The following SCG3 variants were observed in gnomAD, a reference collection of about 807,000 sequenced individuals.
SCG3 encodes the protein secretogranin III.
A neutral mutation model predicts 56.2 loss-of-function variants in SCG3; 38 were observed. The ratio of observed to expected loss-of-function variants is 0.68; its 90% CI spans 0.52 to 0.89. SCG3 has a LOEUF of 0.89. Among genes scored for constraint, SCG3 ranks in the 40% least tolerant of loss-of-function variants. The pLI is 0.00. For synonymous variants in SCG3, 176 were observed against 184.2 expected, an observed-to-expected ratio of 0.96 and a Z score of 0.36; for missense variants, 524 against 540.7, an observed-to-expected ratio of 0.97 and a Z score of 0.31.
chr15:51,704,244 C>CATATATATATATATATAT (rs750951935), intron 10 of SCG3, among the ~76,000 whole-genome samples: 26 of 73,622 alleles, frequency 3.5e-4, no homozygotes, highest in African/African-American at 8.1e-4. Context: ...TACATACATA[C>CATATATATATATATATAT]ATATATATAT....
chr15:51,704,776 T>C (rs1292714674), intron 10 of SCG3, among the ~76,000 whole-genome samples: 5 of 122,350 alleles, frequency 4.1e-5, no homozygotes, highest in African/African-American at 7.0e-5. Context: ...TATATATATA[T>C]ATATATATAT....
chr15:51,695,675 A>G (rs959260178), intron 7 of SCG3, 200 bp from the exon 8 acceptor site: 2 of 472,122 alleles, frequency 4.2e-6, no homozygotes, highest in African/African-American at 4.0e-5. Context: ...AGTGCAGGAG[A>G]TTAGTCTGAG....
At chr15:51,713,872 G>A (rs76111536) in intron 11 of SCG3, among the ~76,000 whole-genome samples, 1 of 152,164 alleles carries the variant, frequency 6.6e-6, no homozygotes, top group African/African-American at 2.4e-5. Flanking sequence ...CTAAGTGCCA[G>A]AGATGTCCCG....
chr15:51,712,907 AATCTTTAAGT>A (rs2055429779), intron 10 of SCG3, among the ~76,000 whole-genome samples: 1 of 152,166 alleles, frequency 6.6e-6, no homozygotes, highest in South Asian at 2.1e-4. Flanking sequence ...GAAGTGATGG[AATCTTTAAGT>A]ATCTGCCACT....
At chr15:51,701,880 G>T (rs1033501404) in intron 10 of SCG3, among the ~76,000 whole-genome samples, 1 of 152,048 alleles carries the variant, frequency 6.6e-6, no homozygotes, top group Non-Finnish European at 1.5e-5. Flanking sequence ...ACACAGCAAG[G>T]GCAATGAAAA....
At chr15:51,716,704 C>T (rs1412555768) in intron 11 of SCG3, among the ~76,000 whole-genome samples, 1 of 152,220 alleles carries the variant, frequency 6.6e-6, no homozygotes, top group Admixed American at 6.5e-5. Flanking sequence ...TTTCTCCCCA[C>T]CACCAAGCAA....
chr15:51,703,355 TG>T (rs1448839976), intron 10 of SCG3, among the ~76,000 whole-genome samples: 1 of 152,230 alleles, frequency 6.6e-6, no homozygotes, highest in African/African-American at 2.4e-5. Context: ...TTTAATACCT[TG>T]AAACTCAAGA....
intron 8 of SCG3, among the ~76,000 whole-genome samples, chr15:51,698,782 A>C (rs564809465): frequency 6.6e-6 from 1 of 151,582 alleles, no homozygotes; most frequent in South Asian, 2.1e-4. Flanking sequence ...ACAGCACATC[A>C]ATCCCAGTGG....
chr15:51,685,294 T>G (rs1017472870), intron 4 of SCG3, among the ~76,000 whole-genome samples: 1 of 152,272 alleles, frequency 6.6e-6, no homozygotes, highest in Non-Finnish European at 1.5e-5. Context: ...CCACTTCAAC[T>G]GAAGTGATCA....
Position 51,695,864 on chromosome 15 carries a change from C to A in SCG3, c.869-11C>A. The A allele has an allele frequency of 6.9e-7, 1 of 1,449,060 alleles. No homozygotes were observed. The highest frequency in any genetic ancestry group is 9.7e-7 in the Non-Finnish European group (1 of 1,035,306). 89.8% of individuals were successfully genotyped at this position (1,449,060 alleles called of 1,614,324 possible). Reference sequence around the variant, plus strand: ...CCCCACAGTTTTAAGTTATTTTGTTCTTTCATATAGAAAAAGAAGCAAAAG... The same window carrying A: ...CCCCACAGTTTTAAGTTATTTTGTTATTTCATATAGAAAAAGAAGCAAAAG... On this transcript the variant is annotated splice_polypyrimidine_tract_variant and intron_variant, in intron 7 of 11. Coordinates refer to ENST00000220478, the MANE Select transcript of SCG3 (RefSeq NM_013243.4).
chr15:51,683,103 A>T lies in SCG3; in HGVS notation c.160A>T (p.Ile54Phe), dbSNP rs548679537. The T allele has an allele frequency of 4.3e-5, 69 of 1,610,624 alleles. No individual in the cohort carries two copies. In the Admixed American group the frequency reaches 1.2e-3, roughly 27 times the overall value. The change falls in exon 3 of 12, where the codon ATT (isoleucine) becomes TTT (phenylalanine). Residue 54 changes from isoleucine (I) to phenylalanine (F), a missense_variant. Transcript: ENST00000220478. ...GATTGCTGAAGCAGAAGAAGACAAGATTAAAAAAACATATCCTCCAGGTAA... is the reference window on the plus strand; with the variant it reads ...GATTGCTGAAGCAGAAGAAGACAAGTTTAAAAAAACATATCCTCCAGGTAA... ...EQIAEAEEDK[I>F]KKTYPPENKP...
At chr15:51,711,214 G>A (rs2055418586) in intron 10 of SCG3, among the ~76,000 whole-genome samples, 1 of 152,186 alleles carries the variant, frequency 6.6e-6, no homozygotes, top group Admixed American at 6.5e-5. Context: ...CTATGAAGAG[G>A]GAGGCATGAG....
chr15:51,711,493 C>A (rs982508265), intron 10 of SCG3, among the ~76,000 whole-genome samples: 3 of 152,140 alleles, frequency 2.0e-5, no homozygotes, highest in Non-Finnish European at 4.4e-5. Context: ...TTAAAGTGAG[C>A]CCTATGGGGA....
Position 51,683,353 on chromosome 15 carries a change from G to T in SCG3, c.316G>T (p.Glu106Ter), listed in dbSNP as rs2055207546. Residue 106 changes from glutamate (E) to a stop codon, truncating the protein, a stop_gained, in exon 4 of 12, where the codon GAA (glutamate) becomes TAA (stop). Coordinates refer to ENST00000220478, the MANE Select transcript of SCG3 (RefSeq NM_013243.4). LOFTEE classifies it high-confidence loss of function. Reference protein sequence around the residue: ...SSPLDNKLNVEDVDSTKNRKL... With the variant: ...SSPLDNKLNV ...CCCACTTGATAATAAGTTGAATGTG[G>T]AAGATGTTGATTCAACCAAGAATCG... is the stretch of plus-strand genomic sequence containing the variant. 6.2e-7 allele frequency: 1 copy of T among 1,613,462 alleles called. No individual in the cohort carries two copies. The highest frequency in any genetic ancestry group is 8.5e-7 in the Non-Finnish European group (1 of 1,179,596).
intron 6 of SCG3, 150 bp from the exon 7 acceptor site, chr15:51,692,009 T>C (rs778182200): frequency 1.2e-4 from 76 of 639,876 alleles, no homozygotes; most frequent in Non-Finnish European, 1.7e-4. Context: ...AGCACACATA[T>C]CTAGAAATGG....
chr15:51,704,772 T>C (rs925726724), intron 10 of SCG3, among the ~76,000 whole-genome samples: 1 of 109,044 alleles, frequency 9.2e-6, no homozygotes, highest in Non-Finnish European at 1.8e-5. Flanking sequence ...TACATATATA[T>C]ATATATATAT....
intron 10 of SCG3, among the ~76,000 whole-genome samples, chr15:51,712,860 G>A (rs1595841468): frequency 6.6e-6 from 1 of 152,204 alleles, no homozygotes; most frequent in East Asian, 1.9e-4. Flanking sequence ...AAGACTTAGA[G>A]CTGCTTACAC....
intron 10 of SCG3, among the ~76,000 whole-genome samples, chr15:51,704,248 T>C (rs2607121): frequency 0.013 from 743 of 58,970 alleles, 7 homozygotes; most frequent in African/African-American, 0.034. Context: ...TACATACATA[T>C]ATATATATAT....
rs1306661060 is a variant in SCG3 at position 51,681,673 on chromosome 15, T to C, written c.-83T>C. On this transcript the variant is annotated 5_prime_UTR_variant, in exon 1 of 12. Transcript: ENST00000220478. Reference sequence around the variant, plus strand: ...ACCCACCCTCCTGGCTCTTCCTGTTTTTACTCCTCCTTTTCATTCATAACA... The same window carrying C: ...ACCCACCCTCCTGGCTCTTCCTGTTCTTACTCCTCCTTTTCATTCATAACA... 1 of 957,270 alleles carries C rather than the reference T, an allele frequency of 1.0e-6. No individual in the cohort carries two copies. Among genetic ancestry groups the C allele is most frequent in the African/African-American group, 1.6e-5 (1 of 62,116 alleles). The allele number at this position is 957,270 out of a possible 1,614,324, so 59.3% of individuals were successfully genotyped here. A position where few individuals can be genotyped will look rare whatever the true frequency, so the allele number is the denominator to read the frequency against.
Sources: allele counts gnomAD v4.1 joint callset (sites outside exome capture counted in the v4.1 genomes callset), GRCh38; gene constraint gnomAD v4.1.1; transcripts MANE v1.5; gene names NCBI Gene and HGNC (gene_info 2026-07-23, HGNC 2026-07-21).